CKAP2: variants seen among roughly 807,000 people sequenced by gnomAD.
CKAP2 encodes cytoskeleton-associated protein 2.
A neutral mutation model predicts 58.4 loss-of-function variants in CKAP2; 46 were observed. The observed-to-expected ratio is 0.79, with a 90% CI of 0.62 to 1.01. The LOEUF (loss-of-function observed/expected upper bound fraction) is 1.01. Among genes scored for constraint, CKAP2 ranks in the 50% least tolerant of loss-of-function variants. The pLI is 0.00. For missense variants in CKAP2, 809 were observed against 796.4 expected (o/e 1.02, Z -0.19); for synonymous variants, 293 against 280.9 (o/e 1.04, Z -0.43).
At chr13:52,470,370 GCT>G (rs111674019) in intron 7 of CKAP2, among the ~76,000 whole-genome samples, 2,642 of 152,242 alleles carry the variant, frequency 0.017, 72 homozygotes, top group Admixed American at 0.08. Flanking sequence ...CTTCCAAAGT[GCT>G]GGGATGACAG....
chr13:52,456,087 A>C, intron 1 of CKAP2: 1 of 1,019,616 alleles, frequency 9.8e-7, no homozygotes, highest in Non-Finnish European at 1.2e-6. Context: ...ATGGAAACCG[A>C]GGGTTGGTTG....
chr13:52,474,064 T>C lies in CKAP2; in HGVS notation c.1782T>C (p.Ser594=), dbSNP rs1341084738. 15 of 1,610,260 alleles carry C rather than the reference T, an allele frequency of 9.3e-6. No homozygotes were observed. The highest frequency in any genetic ancestry group is 1.3e-5 in the African/African-American group (1 of 74,786). ...RTSCLIKYNV[S]TTPYLQSVKK... Reference sequence around the variant, plus strand: ...GTTGCTTAATTAAATATAATGTGTCTACTACGCCATACTTGCAAAGGTAAA... The same window carrying C: ...GTTGCTTAATTAAATATAATGTGTCCACTACGCCATACTTGCAAAGGTAAA... Residue 594 remains serine, a synonymous_variant, in exon 8 of 9, where the codon TCT becomes TCC. Coordinates refer to ENST00000258607, the MANE Select transcript of CKAP2 (RefSeq NM_018204.5).
chr13:52,474,549 C>T (rs1214860374), intron 8 of CKAP2, among the ~76,000 whole-genome samples: 1 of 152,136 alleles, frequency 6.6e-6, no homozygotes, highest in East Asian at 1.9e-4. Context: ...AACATTTCAC[C>T]TCTTAAATAC....
At chr13:52,463,818 A>G (rs945477275) in intron 5 of CKAP2, among the ~76,000 whole-genome samples, 3 of 152,188 alleles carry the variant, frequency 2.0e-5, no homozygotes, top group Non-Finnish European at 4.4e-5. Flanking sequence ...TTGATTTTAT[A>G]AAGGGACATG....
chr13:52,465,189 A>G (rs1380974774), intron 5 of CKAP2, 106 bp from the exon 6 acceptor site: 2 of 918,450 alleles, frequency 2.2e-6, no homozygotes, highest in African/African-American at 1.7e-5. Context: ...TTTTTGCTTT[A>G]TGCTTAGGGC....
intron 7 of CKAP2, 138 bp downstream of exon 7, chr13:52,468,485 G>T (rs1958714726): frequency 5.2e-6 from 3 of 580,396 alleles, no homozygotes; most frequent in Admixed American, 3.2e-5. Context: ...TGTCATGGGG[G>T]TTTGTTGTAC....
chr13:52,456,426 CT>C, intron 1 of CKAP2, 96 bp from the exon 2 acceptor site: 2 of 1,003,536 alleles, frequency 2.0e-6, no homozygotes, highest in Non-Finnish European at 3.0e-6. Context: ...GTGGAACCAG[CT>C]TTGGAAGTAA....
rs767364665 is a variant in CKAP2, at chr13:52,475,022, C to G, written c.1930C>G (p.His644Asp). ...TSKLPDMLKD[H>D]YPCVSSLEQL... The stretch of plus-strand genomic sequence containing the variant: ...TAAATTGCCAGATATGTTAAAAGAT[C>G]ATTATCCTTGTGTGTCTTCATTGGA... Residue 644 changes from histidine to aspartate, a missense_variant, in exon 9 of 9, where the codon CAT becomes GAT. By Grantham distance (81) the His-to-Asp change is moderately conservative. Coordinates refer to ENST00000258607, the MANE Select transcript of CKAP2 (RefSeq NM_018204.5). 2 of 1,614,056 alleles carry G rather than the reference C, an allele frequency of 1.2e-6. No individual in the cohort carries two copies. Among genetic ancestry groups the G allele is most frequent in the African/African-American group, 1.3e-5 (1 of 74,912 alleles).
At position 52,468,356 on chromosome 13, in the gene CKAP2, T is replaced by C; in HGVS notation, c.1546+9T>C. ...AGAAAAAGCTAATTTAGGTAAGTTT[T>C]AGTTATTTTATTTCCTTCATGTGAA... On this transcript the variant is annotated intron_variant, in intron 7 of 8. Coordinates refer to ENST00000258607, the MANE Select transcript of CKAP2 (RefSeq NM_018204.5). 6.6e-7 allele frequency: 1 copy of C among 1,522,176 alleles called. No individual in the cohort carries two copies. The highest frequency in any genetic ancestry group is 9.0e-7 in the Non-Finnish European group (1 of 1,111,678). The allele number at this position is 1,522,176 out of a possible 1,614,324, so 94.3% of individuals were successfully genotyped here. A position where few individuals can be genotyped will look rare whatever the true frequency, so the allele number is the denominator to read the frequency against.
rs1958653182 is a variant in CKAP2 at position 52,465,446 on chromosome 13, C to T, written c.1457C>T (p.Ala486Val). ...IENIIAIYEKAILAGAQPIEE... is the reference protein window; with the variant it reads ...IENIIAIYEKVILAGAQPIEE... ...AATATTATTGCAATCTATGAGAAAG[C>T]CATTCTGGCAGGGGCTCAGGTAAGA... Residue 486 changes from alanine to valine, a missense_variant, in exon 6 of 9, where the codon GCC (alanine) becomes GTC (valine). Ala to Val is a moderately conservative substitution (Grantham distance 64, BLOSUM62 0). Coordinates refer to ENST00000258607, the MANE Select transcript of CKAP2 (RefSeq NM_018204.5). The T allele has an allele frequency of 6.2e-7, 1 of 1,613,270 alleles. No individual in the cohort carries two copies. The highest frequency in any genetic ancestry group is 8.5e-7 in the Non-Finnish European group (1 of 1,179,450).
chr13:52,465,552 A>G, intron 6 of CKAP2, 87 bp downstream of exon 6: 1 of 1,244,062 alleles, frequency 8.0e-7, no homozygotes. Flanking sequence ...ATAACTTGAG[A>G]AAATTTTCTT....
chr13:52,461,823 C>T lies in CKAP2; in HGVS notation c.997C>T (p.Leu333=). The T allele has an allele frequency of 6.2e-7, 1 of 1,614,066 alleles. No individual in the cohort carries two copies. Among genetic ancestry groups the T allele is most frequent in the Non-Finnish European group, 8.5e-7 (1 of 1,179,974 alleles). ...GCCTGCTTCATTGTCTAATGATAAA[C>T]TGATGGAAAAGTCAGAGCCCGTTGA... ...ARPASLSNDK[L]MEKSEPVDQR... Residue 333 remains leucine (L), a synonymous_variant, in exon 4 of 9, where the codon CTG becomes TTG. Coordinates refer to ENST00000258607, the MANE Select transcript of CKAP2 (RefSeq NM_018204.5).
Position 52,461,109 on chromosome 13 carries a change from G to C in CKAP2, c.283G>C (p.Val95Leu). The stretch of plus-strand genomic sequence containing the variant: ...TGCAGAGAGCAAAAATAATACAGTG[G>C]TGGGGAAACATTGTATTCCTTTAAA... The part of the protein sequence containing the change: ...RPAESKNNTV[V>L]GKHCIPLKPS... Residue 95 changes from valine (V) to leucine (L), a missense_variant, in exon 4 of 9, where the codon GTG becomes CTG. Around this residue, in one of 3 missense-constraint regions of CKAP2, gnomAD observed 523 missense variants for 492.4 expected, o/e 1.06. Coordinates refer to ENST00000258607, the MANE Select transcript of CKAP2 (RefSeq NM_018204.5). 2 of 1,609,326 alleles carry C rather than the reference G, an allele frequency of 1.2e-6. No individual in the cohort carries two copies. Among genetic ancestry groups the C allele is most frequent in the Non-Finnish European group, 1.7e-6 (2 of 1,178,518 alleles).
At chr13:52,470,530 T>TA (rs200903403) in intron 7 of CKAP2, among the ~76,000 whole-genome samples, 51 of 151,162 alleles carry the variant, frequency 3.4e-4, no homozygotes, top group African/African-American at 7.3e-4. Flanking sequence ...GGCTAAACCT[T>TA]AAAAAAAAAT....
At chr13:52,468,998 G>A (rs1305582416) in intron 7 of CKAP2, among the ~76,000 whole-genome samples, 2 of 152,172 alleles carry the variant, frequency 1.3e-5, no homozygotes. Context: ...CACCAACAAT[G>A]TAAACGCATT....
intron 2 of CKAP2, among the ~76,000 whole-genome samples, chr13:52,460,236 G>A (rs1958548395): frequency 6.6e-6 from 1 of 152,014 alleles, no homozygotes; most frequent in Admixed American, 6.6e-5. Context: ...TTCTGGGAGG[G>A]CTCTTTAATA....
At chr13:52,463,669 A>G (rs920830392) in intron 5 of CKAP2, among the ~76,000 whole-genome samples, 3 of 152,190 alleles carry the variant, frequency 2.0e-5, no homozygotes, top group African/African-American at 7.2e-5. Flanking sequence ...TTAGGTGAGA[A>G]GAAACACCAG....
intron 7 of CKAP2, among the ~76,000 whole-genome samples, chr13:52,470,400 C>T (rs1209483824): frequency 1.3e-5 from 2 of 152,000 alleles, no homozygotes; most frequent in Admixed American, 6.5e-5. Context: ...CCACCGCACC[C>T]GGCCAACAGT....
At chr13:52,465,033 GA>G (rs1012390283) in intron 5 of CKAP2, among the ~76,000 whole-genome samples, 1 of 151,732 alleles carries the variant, frequency 6.6e-6, no homozygotes, top group Non-Finnish European at 1.5e-5. Flanking sequence ...TAAAGACGAG[GA>G]AAAAAAACTC....
Sources: allele counts gnomAD v4.1 joint callset (sites outside exome capture counted in the v4.1 genomes callset), GRCh38; gene constraint gnomAD v4.1.1; regional missense constraint gnomAD v4.1.1; transcripts MANE v1.5; gene names NCBI Gene and HGNC (gene_info 2026-07-23, HGNC 2026-07-21).